Variants in KCMF1 observed in about 807,000 individuals in gnomAD.
The protein encoded by KCMF1 is E3 ubiquitin-protein ligase KCMF1.
A neutral mutation model predicts 41.1 loss-of-function variants in KCMF1; 3 were observed. The ratio of observed to expected loss-of-function variants is 0.07; its 90% CI spans 0.03 to 0.19. The LOEUF (loss-of-function observed/expected upper bound fraction) is 0.19. Among genes scored for constraint, KCMF1 ranks in the 10% least tolerant of loss-of-function variants. The pLI is 1.00. For missense variants in KCMF1, 286 were observed against 488.9 expected (o/e 0.58, Z 3.91); for synonymous variants, 142 against 164.5 (o/e 0.86, Z 1.04).
At position 85,027,411 on chromosome 2, in the gene KCMF1, C is replaced by G. The variant is rs552522103; in HGVS notation, c.17-478C>G. Among the ~76,000 whole-genome samples the G allele has an allele frequency of 6.8e-4, 81 of 118,436 alleles. 4 individuals carry two copies. In the South Asian group the frequency reaches 0.024, roughly 35 times the overall value. The allele number at this position is 118,436 out of a possible 152,430, so 77.7% of individuals were successfully genotyped here. On this transcript the variant is annotated intron_variant, in intron 1 of 6. Coordinates refer to ENST00000409785, the MANE Select transcript of KCMF1 (RefSeq NM_020122.5). ...TTTTTTTTTGAGACAAAGCCTCACT[C>G]TGTTGTGAGGCTGGAGTGCAGTGGC... is the stretch of plus-strand genomic sequence containing the variant.
In KCMF1 at chr2:85,059,459, C is replaced by G. The variant is rs1676013838; in HGVS notation, c.*6050C>G. On this transcript the variant is annotated 3_prime_UTR_variant, in exon 7 of 7. Coordinates refer to ENST00000409785, the MANE Select transcript of KCMF1 (RefSeq NM_020122.5). ...TTATCTGTTTTCTGATTTGAATAAACTTTGTGTTGTGCACCTCAGTTTCCA... is the reference window on the plus strand; with the variant it reads ...TTATCTGTTTTCTGATTTGAATAAAGTTTGTGTTGTGCACCTCAGTTTCCA... The G allele has an allele frequency of 6.6e-6, 1 of 152,192 alleles. No individual in the cohort carries two copies. Among genetic ancestry groups the G allele is most frequent in the African/African-American group, 2.4e-5 (1 of 41,432 alleles). 9.4% of individuals were successfully genotyped at this position (152,192 alleles called of 1,614,324 possible).
At chr2:84,978,825 C>T (rs1439675834) in intron 1 of KCMF1, among the ~76,000 whole-genome samples, 3 of 152,140 alleles carry the variant, frequency 2.0e-5, no homozygotes, top group South Asian at 2.1e-4. Flanking sequence ...AAGCGATTCT[C>T]CTGCCTCAGC....
At chr2:85,006,898 C>T (rs376785567) in intron 1 of KCMF1, among the ~76,000 whole-genome samples, 2 of 151,572 alleles carry the variant, frequency 1.3e-5, no homozygotes, top group African/African-American at 2.4e-5. Flanking sequence ...CATCTGAGGT[C>T]GGGAGTTTGA....
chr2:84,980,298 T>C (rs1014438713), intron 1 of KCMF1, among the ~76,000 whole-genome samples: 2 of 152,154 alleles, frequency 1.3e-5, no homozygotes, highest in African/African-American at 4.8e-5. Context: ...AGGTGGGTGT[T>C]GGCAGAGGAA....
At chr2:85,014,724 CGTGTGTGT>C (rs72066261) in intron 1 of KCMF1, among the ~76,000 whole-genome samples, 18 of 138,206 alleles carry the variant, frequency 1.3e-4, no homozygotes, top group Admixed American at 9.4e-4. Flanking sequence ...TGCGTGCGTG[CGTGTGTGT>C]GTGTGTGTGT....
chr2:84,999,935 C>T (rs771184060), intron 1 of KCMF1, among the ~76,000 whole-genome samples: 3 of 151,602 alleles, frequency 2.0e-5, no homozygotes, highest in Non-Finnish European at 4.4e-5. Flanking sequence ...TAAATGTCCC[C>T]TGGAGAAAAT....
At chr2:84,978,708 G>A (rs1350239063) in intron 1 of KCMF1, among the ~76,000 whole-genome samples, 3 of 151,390 alleles carry the variant, frequency 2.0e-5, no homozygotes, top group Non-Finnish European at 4.4e-5. Flanking sequence ...ACCATGCCTG[G>A]CTAATTTTTG....
Position 85,039,833 on chromosome 2 carries a change from C to T in KCMF1, c.325-3731C>T, listed in dbSNP as rs78600997. Among the ~76,000 whole-genome samples the T allele has an allele frequency of 5.7e-4, 87 of 151,878 alleles. 2 individuals carry two copies. In the East Asian group the frequency reaches 0.016, roughly 29 times the overall value. On this transcript the variant is annotated intron_variant, in intron 3 of 6. Coordinates refer to ENST00000409785, the MANE Select transcript of KCMF1 (RefSeq NM_020122.5). ...ATGTTTTTTCCTTTTTTTTTGGAGA[C>T]AGAGATTTTGCTCTTGTTGCCCAGG... is the stretch of plus-strand genomic sequence containing the variant.
intron 1 of KCMF1, among the ~76,000 whole-genome samples, chr2:85,023,376 T>C (rs1402392669): frequency 7.1e-6 from 1 of 141,806 alleles, no homozygotes; most frequent in African/African-American, 2.6e-5. Flanking sequence ...TGGAGTGCAG[T>C]GGCGCGATCT....
At chr2:85,043,422 A>C in intron 3 of KCMF1, 142 bp from the exon 4 acceptor site, 2 of 648,044 alleles carry the variant, frequency 3.1e-6, no homozygotes, top group Non-Finnish European at 5.6e-6. Context: ...TTAGGTTTCT[A>C]CTGCTTTTCA....
chr2:85,012,107 G>C (rs756512525), intron 1 of KCMF1, among the ~76,000 whole-genome samples: 13 of 152,170 alleles, frequency 8.5e-5, no homozygotes, highest in Non-Finnish European at 1.6e-4. Context: ...TATGTTTATG[G>C]GCCTGTGATG....
Position 85,053,490 on chromosome 2 carries a change from G to A in KCMF1, c.*81G>A, listed in dbSNP as rs1675856226. 1.4e-6 allele frequency: 2 copies of A among 1,398,546 alleles called. No homozygotes were observed. The highest frequency in any genetic ancestry group is 2.5e-5 in the Admixed American group (1 of 40,374). 86.6% of individuals were successfully genotyped at this position (1,398,546 alleles called of 1,614,324 possible). ...ACAACAACTATCTTGGGTTTGTTTG[G>A]TGATTGTAATTTCAGGTCTGTCACT... is the stretch of plus-strand genomic sequence containing the variant. On this transcript the variant is annotated 3_prime_UTR_variant, in exon 7 of 7. Transcript: ENST00000409785.
chr2:85,015,430 T>C (rs1558576113), intron 1 of KCMF1, among the ~76,000 whole-genome samples: 1 of 152,166 alleles, frequency 6.6e-6, no homozygotes, highest in Admixed American at 6.5e-5. Context: ...TATTTCCAGA[T>C]AAGAGGCTCT....
intron 1 of KCMF1, among the ~76,000 whole-genome samples, chr2:85,008,325 T>TATATCAC (rs1674543607): frequency 2.0e-5 from 2 of 102,434 alleles, no homozygotes; most frequent in Non-Finnish European, 4.0e-5. Flanking sequence ...ATATATCATA[T>TATATCAC]ATAATATATA....
intron 1 of KCMF1, among the ~76,000 whole-genome samples, chr2:84,987,399 G>A (rs1673929047): frequency 6.6e-6 from 1 of 152,196 alleles, no homozygotes; most frequent in Non-Finnish European, 1.5e-5. Flanking sequence ...AAATAAAAAG[G>A]ATCTGAATTA....
In KCMF1 at chr2:84,971,167, GA is replaced by G. The variant is rs1156950665; in HGVS notation, c.-284del. ...GCCGCTGCCGGGAGCCGGCAGGCCC[GA>G]GAGTGACCGGAGTCACGGCGGGCGC... On this transcript the variant is annotated 5_prime_UTR_variant, in exon 1 of 7. Transcript: ENST00000409785. The G allele has an allele frequency of 1.0e-4, 15 of 146,106 alleles. No individual in the cohort carries two copies. The highest frequency in any genetic ancestry group is 1.0e-3 in the Admixed American group (15 of 14,770). The allele number at this position is 146,106 out of a possible 1,614,324, so 9.1% of individuals were successfully genotyped here. A position where few individuals can be genotyped will look rare whatever the true frequency, so the allele number is the denominator to read the frequency against.
intron 6 of KCMF1, among the ~76,000 whole-genome samples, chr2:85,051,436 T>A (rs1574045701): frequency 6.6e-6 from 1 of 152,298 alleles, no homozygotes; most frequent in East Asian, 1.9e-4. Context: ...CTATCCTTTT[T>A]TTTTTTAAGA....
rs1405469667 is a variant in KCMF1, at chr2:85,055,366, A to G, written c.*1957A>G. The G allele has an allele frequency of 1.3e-5, 2 of 152,158 alleles. No homozygotes were observed. Among genetic ancestry groups the G allele is most frequent in the African/African-American group, 2.4e-5 (1 of 41,440 alleles). 9.4% of individuals were successfully genotyped at this position (152,158 alleles called of 1,614,324 possible). On this transcript the variant is annotated 3_prime_UTR_variant, in exon 7 of 7. Transcript: ENST00000409785. ...CATGGGAGATCCTGGTTTTGTGTGAATGCATTATTTTGGATGTGAGAAATA... is the reference window on the plus strand; with the variant it reads ...CATGGGAGATCCTGGTTTTGTGTGAGTGCATTATTTTGGATGTGAGAAATA...
Position 85,031,209 on chromosome 2 carries a change from G to T in KCMF1, c.184+3153G>T, listed in dbSNP as rs113349880. On this transcript the variant is annotated intron_variant, in intron 2 of 6. Transcript: ENST00000409785. ...ATTTTGAATGGAATTATGTCGAATC[G>T]GTAGATTAGTTTGGAGAGTATTGCC... Among the ~76,000 whole-genome samples the T allele has an allele frequency of 6.2e-4, 94 of 152,258 alleles. 1 individual carries two copies. Among genetic ancestry groups the T allele is most frequent in the African/African-American group, 2.2e-3 (90 of 41,562 alleles).
Sources: allele counts gnomAD v4.1 joint callset (sites outside exome capture counted in the v4.1 genomes callset), GRCh38; gene constraint gnomAD v4.1.1; transcripts MANE v1.5; gene names NCBI Gene and HGNC (gene_info 2026-07-23, HGNC 2026-07-21).